The following RCOR1 variants were observed in gnomAD, a reference collection of about 807,000 sequenced individuals.
RCOR1 encodes the protein REST corepressor.
RCOR1 carries 12 observed loss-of-function variants against 64.0 expected under a neutral mutation model. The observed-to-expected ratio is 0.19, with a 90% CI of 0.12 to 0.30. The LOEUF is 0.30. RCOR1 is among the 10% of genes least tolerant of loss of function. The pLI is 1.00. For synonymous variants in RCOR1, 279 were observed against 227.2 expected (o/e 1.23, Z -2.05); for missense variants, 502 against 621.2 (o/e 0.81, Z 2.04).
intron 2 of RCOR1, among the ~76,000 whole-genome samples, chr14:102,626,626 A>G (rs1893987525): frequency 6.6e-6 from 1 of 152,188 alleles, no homozygotes; most frequent in Non-Finnish European, 1.5e-5. Flanking sequence ...TGGCTTCTCT[A>G]TGCAGCTGCT....
At chr14:102,610,400 A>G (rs1893604650) in intron 2 of RCOR1, among the ~76,000 whole-genome samples, 1 of 152,224 alleles carries the variant, frequency 6.6e-6, no homozygotes, top group Non-Finnish European at 1.5e-5. Flanking sequence ...TCCTTCTGTT[A>G]CACTAGGCAC....
chr14:102,636,397 C>T (rs1009048526), intron 2 of RCOR1, among the ~76,000 whole-genome samples: 3 of 151,952 alleles, frequency 2.0e-5, no homozygotes, highest in African/African-American at 7.3e-5. Flanking sequence ...CCTGCCTCAG[C>T]CTCCCAAGTA....
chr14:102,603,118 C>T (rs573989295), intron 2 of RCOR1, among the ~76,000 whole-genome samples: 14 of 151,102 alleles, frequency 9.3e-5, no homozygotes, highest in African/African-American at 9.7e-5. Context: ...TTACTCTTGT[C>T]GCCCAGGCTG....
At chr14:102,692,126 G>C (rs1895545480) in intron 3 of RCOR1, among the ~76,000 whole-genome samples, 1 of 152,072 alleles carries the variant, frequency 6.6e-6, no homozygotes, top group Non-Finnish European at 1.5e-5. Flanking sequence ...GTTTTAGTTA[G>C]GTCTGTTAAT....
chr14:102,653,989 T>TCTTTCTTTC (rs1567423504), intron 2 of RCOR1, among the ~76,000 whole-genome samples: 1 of 119,150 alleles, frequency 8.4e-6, no homozygotes, highest in African/African-American at 3.7e-5. Flanking sequence ...CTTTCTTTTT[T>TCTTTCTTTC]TTTTTTTTTT....
At chr14:102,683,580 TC>T (rs995123078) in intron 3 of RCOR1, among the ~76,000 whole-genome samples, 1 of 152,174 alleles carries the variant, frequency 6.6e-6, no homozygotes, top group Non-Finnish European at 1.5e-5. Flanking sequence ...CAGCGGGGCT[TC>T]CCCGGGGGTC....
rs546612962 is a variant in RCOR1 at position 102,592,717 on chromosome 14, C to T, written c.-170C>T. ...TCGGCTCGTCGCTGGGGGCTTGAAG[C>T]GGCTCCGCGCTCTGCCCGTTTGGGC... On this transcript the variant is annotated 5_prime_UTR_variant, in exon 1 of 12. Coordinates refer to ENST00000262241, the MANE Select transcript of RCOR1 (RefSeq NM_015156.4). 3.9e-5 allele frequency: 48 copies of T among 1,225,596 alleles called. No individual in the cohort carries two copies. In the African/African-American group the frequency reaches 7.2e-4, roughly 18 times the overall value. The allele number at this position is 1,225,596 out of a possible 1,614,324, so 75.9% of individuals were successfully genotyped here.
chr14:102,728,511 C>G lies in RCOR1; in HGVS notation c.*2005C>G, dbSNP rs1273212948. On this transcript the variant is annotated 3_prime_UTR_variant, in exon 12 of 12. Coordinates refer to ENST00000262241, the MANE Select transcript of RCOR1 (RefSeq NM_015156.4). ...AGGTTCTCCGTGCTTCCCTCAAGAC[C>G]TCCTTCTTGCTAACAGAAGCAGTAG... The G allele has an allele frequency of 6.6e-6, 1 of 152,324 alleles. No individual in the cohort carries two copies. The highest frequency in any genetic ancestry group is 2.1e-4 in the South Asian group (1 of 4,822). 9.4% of individuals were successfully genotyped at this position (152,324 alleles called of 1,614,324 possible).
At chr14:102,688,261 C>T (rs891131250) in intron 3 of RCOR1, among the ~76,000 whole-genome samples, 5 of 152,170 alleles carry the variant, frequency 3.3e-5, no homozygotes, top group African/African-American at 9.7e-5. Context: ...CCACTGCGCC[C>T]GGCCAGCATT....
chr14:102,622,045 C>T (rs1374849617), intron 2 of RCOR1, among the ~76,000 whole-genome samples: 1 of 152,162 alleles, frequency 6.6e-6, no homozygotes, highest in African/African-American at 2.4e-5. Context: ...AACTGCCATC[C>T]ACAGAAAAGT....
intron 2 of RCOR1, among the ~76,000 whole-genome samples, chr14:102,620,368 T>C (rs11626627): frequency 3.5e-5 from 5 of 142,096 alleles, no homozygotes; most frequent in African/African-American, 1.2e-4. Flanking sequence ...GGGAGTTCAA[T>C]ACCAGCCTGA....
intron 2 of RCOR1, among the ~76,000 whole-genome samples, chr14:102,628,402 T>C (rs1894025547): frequency 6.6e-6 from 1 of 152,168 alleles, no homozygotes; most frequent in Non-Finnish European, 1.5e-5. Context: ...GATGCCAATA[T>C]AGTCCCTATA....
intron 7 of RCOR1, among the ~76,000 whole-genome samples, chr14:102,711,314 G>T (rs551652443): frequency 6.6e-6 from 1 of 152,324 alleles, no homozygotes; most frequent in African/African-American, 2.4e-5. Flanking sequence ...TTAACAAGTG[G>T]TCTAGTGAAT....
Position 102,726,723 on chromosome 14 carries a change from A to G in RCOR1, c.*217A>G. 1 of 539,566 alleles carries G rather than the reference A, an allele frequency of 1.9e-6. No individual in the cohort carries two copies. The highest frequency in any genetic ancestry group is 3.2e-6 in the Non-Finnish European group (1 of 310,544). The allele number at this position is 539,566 out of a possible 1,614,324, so 33.4% of individuals were successfully genotyped here. On this transcript the variant is annotated 3_prime_UTR_variant, in exon 12 of 12. Coordinates refer to ENST00000262241, the MANE Select transcript of RCOR1 (RefSeq NM_015156.4). ...CCCAGAGAGCTCCACTGCATCTCAC[A>G]CTCTGCCCACGTGCTGGGGAAGTCT...
intron 2 of RCOR1, among the ~76,000 whole-genome samples, chr14:102,608,118 C>T (rs966218942): frequency 7.2e-5 from 11 of 152,062 alleles, no homozygotes; most frequent in East Asian, 1.9e-4. Context: ...TCAGTGCACT[C>T]GCATTGTTGT....
chr14:102,680,780 G>A (rs952508105), intron 2 of RCOR1, among the ~76,000 whole-genome samples: 2 of 152,196 alleles, frequency 1.3e-5, no homozygotes, highest in Non-Finnish European at 2.9e-5. Context: ...ACTCCAGCCT[G>A]CGTGACTGAG....
At chr14:102,682,040 T>C in intron 3 of RCOR1, 62 bp downstream of exon 3, 1 of 1,127,630 alleles carries the variant, frequency 8.9e-7, no homozygotes, top group Non-Finnish European at 1.3e-6. Flanking sequence ...TAAAGGTACC[T>C]TTGAAGGTAA....
intron 2 of RCOR1, among the ~76,000 whole-genome samples, chr14:102,642,412 GA>G (rs1276774178): frequency 6.6e-6 from 1 of 152,182 alleles, no homozygotes; most frequent in African/African-American, 2.4e-5. Flanking sequence ...GAATGTTGTT[GA>G]ATGCGTTTCT....
chr14:102,726,360 T>G, intron 11 of RCOR1, 108 bp from the exon 12 acceptor site: 1 of 903,950 alleles, frequency 1.1e-6, no homozygotes, highest in Non-Finnish European at 1.7e-6. Context: ...CGGTGTTTGC[T>G]CTGCAGGTTT....
Sources: allele counts gnomAD v4.1 joint callset (sites outside exome capture counted in the v4.1 genomes callset), GRCh38; gene constraint gnomAD v4.1.1; transcripts MANE v1.5; gene names NCBI Gene and HGNC (gene_info 2026-07-23, HGNC 2026-07-21).